Variants in GRID2 observed in about 807,000 individuals in gnomAD.
GRID2 encodes the protein glutamate receptor ionotropic, delta-2.
A neutral mutation model predicts 114.8 loss-of-function variants in GRID2; 33 were observed. The observed-to-expected ratio is 0.29, with a 90% CI of 0.22 to 0.38. GRID2 has a LOEUF of 0.38. Ranked by LOEUF, GRID2 falls within the 10% of genes least tolerant of loss-of-function variation. The pLI is 1.00. For synonymous variants in GRID2, 505 were observed against 449.9 expected, an observed-to-expected ratio of 1.12 and a Z score of -1.55; for missense variants, 1,184 against 1,257.7, an observed-to-expected ratio of 0.94 and a Z score of 0.89.
At chr4:92,558,927 C>T (rs1278690874) in intron 1 of GRID2, among the ~76,000 whole-genome samples, 2 of 152,156 alleles carry the variant, frequency 1.3e-5, no homozygotes, top group Admixed American at 1.3e-4. Flanking sequence ...GGTTTTATAT[C>T]TCTTAAAAGC....
chr4:93,260,558 A>G (rs930451105), intron 8 of GRID2, among the ~76,000 whole-genome samples: 11 of 151,738 alleles, frequency 7.2e-5, no homozygotes, highest in Admixed American at 3.3e-4. Flanking sequence ...ATCAACTGTT[A>G]TTTATACTCA....
chr4:92,707,268 G>A (rs1308027634), intron 2 of GRID2, among the ~76,000 whole-genome samples: 2 of 152,114 alleles, frequency 1.3e-5, no homozygotes, highest in African/African-American at 4.8e-5. Flanking sequence ...AAGCACAAAT[G>A]CTGTATCCAA....
intron 14 of GRID2, among the ~76,000 whole-genome samples, chr4:93,741,192 T>C (rs1475366320): frequency 3.3e-5 from 1 of 29,882 alleles, no homozygotes; most frequent in Non-Finnish European, 6.2e-5. Flanking sequence ...TATATATATA[T>C]ATATATATGT....
chr4:93,028,686 C>T (rs983868443), intron 2 of GRID2, among the ~76,000 whole-genome samples: 4 of 151,866 alleles, frequency 2.6e-5, no homozygotes, highest in East Asian at 3.9e-4. Flanking sequence ...GCCCTACATT[C>T]GCTTTGGGTC....
intron 2 of GRID2, among the ~76,000 whole-genome samples, chr4:93,022,296 C>T (rs967966911): frequency 6.6e-6 from 1 of 151,734 alleles, no homozygotes; most frequent in African/African-American, 2.4e-5. Context: ...AAAGAATCAG[C>T]TCTTTTTTTT....
At chr4:92,455,285 C>G (rs887610130) in intron 1 of GRID2, among the ~76,000 whole-genome samples, 2 of 152,000 alleles carry the variant, frequency 1.3e-5, no homozygotes, top group African/African-American at 4.8e-5. Flanking sequence ...TACTAAGTGC[C>G]GGGTGGACAA....
intron 2 of GRID2, among the ~76,000 whole-genome samples, chr4:92,667,093 G>A (rs1012167964): frequency 4.0e-5 from 6 of 151,484 alleles, no homozygotes; most frequent in Non-Finnish European, 5.9e-5. Context: ...GGCTGCTGTC[G>A]AGTTAAGAAG....
intron 2 of GRID2, among the ~76,000 whole-genome samples, chr4:93,060,197 C>T (rs1727652333): frequency 6.6e-6 from 1 of 152,146 alleles, no homozygotes; most frequent in Non-Finnish European, 1.5e-5. Context: ...ATGAGGTTAG[C>T]AGCAGCCTCT....
At chr4:93,604,609 T>C (rs1315085882) in intron 13 of GRID2, among the ~76,000 whole-genome samples, 1 of 152,168 alleles carries the variant, frequency 6.6e-6, no homozygotes, top group East Asian at 1.9e-4. Flanking sequence ...TCTAAAAGCA[T>C]CACATGCCAC....
chr4:92,412,698 G>A (rs180745471), intron 1 of GRID2, among the ~76,000 whole-genome samples: 32 of 151,954 alleles, frequency 2.1e-4, no homozygotes, highest in African/African-American at 7.0e-4. Flanking sequence ...ATACTACTTA[G>A]CATTTCTATT....
intron 1 of GRID2, 27 bp from the exon 2 acceptor site, chr4:92,590,104 T>G: frequency 6.5e-7 from 1 of 1,543,588 alleles, no homozygotes; most frequent in Non-Finnish European, 9.0e-7. Context: ...ATGTTATTAT[T>G]TAATGGCAAA....
intron 2 of GRID2, among the ~76,000 whole-genome samples, chr4:92,759,362 C>A (rs368815617): frequency 2.0e-5 from 3 of 152,036 alleles, no homozygotes; most frequent in Non-Finnish European, 4.4e-5. Context: ...TTTATATTGA[C>A]TCACATACTT....
chr4:93,157,190 C>G (rs1737266565), intron 4 of GRID2, among the ~76,000 whole-genome samples: 1 of 151,638 alleles, frequency 6.6e-6, no homozygotes, highest in Admixed American at 6.6e-5. Flanking sequence ...CCTATCTACT[C>G]AAATTCCTGC....
chr4:93,680,613 A>G (rs201010880), intron 14 of GRID2, among the ~76,000 whole-genome samples: 19 of 151,836 alleles, frequency 1.3e-4, no homozygotes, highest in South Asian at 4.2e-4. Flanking sequence ...GGGATGCAAG[A>G]CTGGTTCAAT....
At chr4:92,905,526 G>GAAATGTTC (rs1320054301) in intron 2 of GRID2, among the ~76,000 whole-genome samples, 1 of 152,022 alleles carries the variant, frequency 6.6e-6, no homozygotes, top group Non-Finnish European at 1.5e-5. Context: ...TCTGATGTTT[G>GAAATGTTC]AAATGTTCTG....
At chr4:92,484,990 T>C (rs1329332298) in intron 1 of GRID2, among the ~76,000 whole-genome samples, 1 of 151,988 alleles carries the variant, frequency 6.6e-6, no homozygotes, top group East Asian at 1.9e-4. Context: ...GTGCTTACCA[T>C]ACATTTAAGA....
At chr4:93,147,360 T>G (rs975461884) in intron 4 of GRID2, among the ~76,000 whole-genome samples, 1 of 152,226 alleles carries the variant, frequency 6.6e-6, no homozygotes, top group African/African-American at 2.4e-5. Context: ...AAATATTTTC[T>G]CTTTGACCTA....
intron 2 of GRID2, among the ~76,000 whole-genome samples, chr4:92,823,675 A>G (rs1331735292): frequency 6.6e-6 from 1 of 152,170 alleles, no homozygotes; most frequent in Non-Finnish European, 1.5e-5. Flanking sequence ...TTAAGTTATG[A>G]TTAATTTTAG....
At chr4:92,796,582 C>CT (rs774325954) in intron 2 of GRID2, among the ~76,000 whole-genome samples, 1 of 151,810 alleles carries the variant, frequency 6.6e-6, no homozygotes, top group Non-Finnish European at 1.5e-5. Context: ...AATAAATGTT[C>CT]TTTTTCAGAA....
Sources: gnomAD v4.1 joint callset for allele counts (sites outside exome capture counted in the v4.1 genomes callset) on GRCh38, gnomAD v4.1.1 for gene constraint, MANE v1.5 for transcripts, NCBI Gene and HGNC (gene_info 2026-07-23, HGNC 2026-07-21) for gene names.